SUCLG2: variants seen among roughly 807,000 people sequenced by gnomAD.
SUCLG2 encodes the protein succinate-CoA ligase GDP-forming subunit beta.
A neutral mutation model predicts 47.9 loss-of-function variants in SUCLG2; 42 were observed. That is an observed-to-expected ratio of 0.88 (90% CI 0.69 to 1.14). The LOEUF is 1.14. Ranked by LOEUF, SUCLG2 falls within the 50% of genes most tolerant of loss-of-function variation. The pLI is 0.00. For missense variants in SUCLG2, 571 were observed against 525.9 expected, an observed-to-expected ratio of 1.09 and a Z score of -0.84; for synonymous variants, 195 against 197.3, an observed-to-expected ratio of 0.99 and a Z score of 0.10.
Position 67,574,876 on chromosome 3 carries a change from C to A in SUCLG2, c.226+34579G>T, listed in dbSNP as rs188542495. ...ACAATTCAATAAGACAAACCTCAAT[C>A]AAAAAATGGGCAAACTATATGGCCA... On this transcript the variant is annotated intron_variant, in intron 2 of 10. Coordinates refer to ENST00000307227, the MANE Select transcript of SUCLG2 (RefSeq NM_003848.4). Among the ~76,000 whole-genome samples the A allele has an allele frequency of 4.3e-4, 65 of 152,166 alleles. No homozygotes were observed. The Middle Eastern group carries it at 0.01, about 24-fold the overall frequency.
intron 6 of SUCLG2, among the ~76,000 whole-genome samples, chr3:67,517,595 AAGAC>A (rs1238179918): frequency 3.9e-4 from 60 of 152,180 alleles, no homozygotes; most frequent in African/African-American, 2.9e-4. Context: ...GGACGATACT[AAGAC>A]AGATTCTGTC....
chr3:67,565,549 C>G (rs184451247), intron 2 of SUCLG2, among the ~76,000 whole-genome samples: 1 of 152,138 alleles, frequency 6.6e-6, no homozygotes, highest in Non-Finnish European at 1.5e-5. Context: ...AAACAAATAC[C>G]CTTCATTGCC....
intron 1 of SUCLG2, among the ~76,000 whole-genome samples, chr3:67,645,890 G>C (rs1255981040): frequency 6.6e-6 from 1 of 151,342 alleles, no homozygotes; most frequent in East Asian, 2.0e-4. Context: ...ACAGGTAAGA[G>C]AGTACAAGCA....
intron 9 of SUCLG2, among the ~76,000 whole-genome samples, chr3:67,416,148 T>G (rs922093426): frequency 6.6e-6 from 1 of 152,222 alleles, no homozygotes; most frequent in Non-Finnish European, 1.5e-5. Context: ...TGAGAGACCC[T>G]GAGGCAGAAC....
At chr3:67,644,528 G>C (rs759899158) in intron 1 of SUCLG2, among the ~76,000 whole-genome samples, 1 of 151,986 alleles carries the variant, frequency 6.6e-6, no homozygotes, top group Non-Finnish European at 1.5e-5. Flanking sequence ...TTTTAGTAGG[G>C]GAGGATGAAT....
chr3:67,392,867 A>T (rs66471755), intron 10 of SUCLG2, among the ~76,000 whole-genome samples: 44,674 of 151,300 alleles, frequency 0.3, 7,204 homozygotes, highest in African/African-American at 0.42. Flanking sequence ...CAGACTGGAG[A>T]ATATTGTCAT....
intron 10 of SUCLG2, among the ~76,000 whole-genome samples, chr3:67,380,278 A>G (rs1702126226): frequency 6.7e-6 from 1 of 150,362 alleles, no homozygotes; most frequent in Non-Finnish European, 1.5e-5. Context: ...CTGAGTGAGG[A>G]CTCCAAGCTG....
intron 9 of SUCLG2, among the ~76,000 whole-genome samples, chr3:67,433,926 CA>C (rs532103403): frequency 1.5e-3 from 231 of 151,960 alleles, no homozygotes; most frequent in Non-Finnish European, 2.4e-3. Context: ...TTTCTGTTCA[CA>C]AAAAATTGTA....
chr3:67,604,365 AT>A (rs1708483431), intron 2 of SUCLG2, among the ~76,000 whole-genome samples: 1 of 152,218 alleles, frequency 6.6e-6, no homozygotes, highest in Non-Finnish European at 1.5e-5. Context: ...TGCATTTTCC[AT>A]GTTTAAAATG....
At chr3:67,558,673 AT>A (rs1707225769) in intron 2 of SUCLG2, among the ~76,000 whole-genome samples, 1 of 152,234 alleles carries the variant, frequency 6.6e-6, no homozygotes, top group African/African-American at 2.4e-5. Flanking sequence ...AAAAGGCAGT[AT>A]CTGAAACACT....
chr3:67,542,047 A>G (rs1413618056), intron 2 of SUCLG2, among the ~76,000 whole-genome samples: 1 of 151,540 alleles, frequency 6.6e-6, no homozygotes, highest in Non-Finnish European at 1.5e-5. Flanking sequence ...CTAATTTTGT[A>G]TTTTTTAGTA....
intron 9 of SUCLG2, among the ~76,000 whole-genome samples, chr3:67,481,817 G>A (rs1232864294): frequency 6.6e-6 from 1 of 152,210 alleles, no homozygotes; most frequent in East Asian, 1.9e-4. Flanking sequence ...GGAACCAATA[G>A]CATCAAATAT....
intron 9 of SUCLG2, among the ~76,000 whole-genome samples, chr3:67,411,832 C>G (rs1013587381): frequency 6.6e-6 from 1 of 152,100 alleles, no homozygotes. Flanking sequence ...GCATCTCAAA[C>G]TTAAATTCAG....
At chr3:67,414,196 G>A (rs951581978) in intron 9 of SUCLG2, among the ~76,000 whole-genome samples, 3 of 152,104 alleles carry the variant, frequency 2.0e-5, no homozygotes, top group Non-Finnish European at 4.4e-5. Flanking sequence ...TTCCTGTAAT[G>A]CCCATTTCTG....
At chr3:67,492,952 T>TA (rs1430284853) in intron 9 of SUCLG2, among the ~76,000 whole-genome samples, 4 of 152,204 alleles carry the variant, frequency 2.6e-5, no homozygotes, top group Non-Finnish European at 5.9e-5. Flanking sequence ...AGAATTATCT[T>TA]AGACACACTG....
chr3:67,395,973 C>T (rs964263843), intron 10 of SUCLG2, among the ~76,000 whole-genome samples: 15 of 152,016 alleles, frequency 9.9e-5, no homozygotes, highest in South Asian at 2.1e-4. Flanking sequence ...TTGAAACCAA[C>T]GAGAACAAAG....
chr3:67,460,449 A>C (rs1406815713), intron 9 of SUCLG2, among the ~76,000 whole-genome samples: 1 of 152,182 alleles, frequency 6.6e-6, no homozygotes, highest in East Asian at 1.9e-4. Flanking sequence ...TGAGGTTTTC[A>C]TTAACTCCAT....
chr3:67,508,110 A>C (rs1436306357), intron 7 of SUCLG2, among the ~76,000 whole-genome samples: 1 of 152,234 alleles, frequency 6.6e-6, no homozygotes, highest in Non-Finnish European at 1.5e-5. Context: ...AGAAACCTTC[A>C]CCACAAAAAT....
At chr3:67,637,428 G>A (rs1328506511) in intron 1 of SUCLG2, among the ~76,000 whole-genome samples, 1 of 152,090 alleles carries the variant, frequency 6.6e-6, no homozygotes, top group East Asian at 1.9e-4. Context: ...TTTAAAAAAC[G>A]AAAGTACAGT....
Sources: gnomAD v4.1 joint callset for allele counts (sites outside exome capture counted in the v4.1 genomes callset) on GRCh38, gnomAD v4.1.1 for gene constraint, MANE v1.5 for transcripts, NCBI Gene and HGNC (gene_info 2026-07-23, HGNC 2026-07-21) for gene names.